The following RALGAPA1 variants were observed in gnomAD, a reference collection of about 807,000 sequenced individuals.
RALGAPA1 encodes the protein ral GTPase-activating protein subunit alpha-1.
A neutral mutation model predicts 269.6 loss-of-function variants in RALGAPA1; 52 were observed. That is an observed-to-expected ratio of 0.19 (90% confidence interval 0.15 to 0.24). RALGAPA1 has a LOEUF of 0.24. RALGAPA1 is among the 10% of genes least tolerant of loss of function. The pLI is 1.00. For missense variants in RALGAPA1, 1,917 were observed against 3,013.9 expected (o/e 0.64, Z 8.52); for synonymous variants, 817 against 1,008.3 (o/e 0.81, Z 3.60).
chr14:35,603,580 G>A (rs2059417120), intron 36 of RALGAPA1, among the ~76,000 whole-genome samples: 1 of 152,032 alleles, frequency 6.6e-6, no homozygotes, highest in Admixed American at 6.6e-5. Context: ...CAACAGCCAA[G>A]ATATGGAAAT....
chr14:35,749,856 A>T (rs1428447011), intron 9 of RALGAPA1, among the ~76,000 whole-genome samples: 4 of 152,186 alleles, frequency 2.6e-5, no homozygotes, highest in Admixed American at 6.5e-5. Flanking sequence ...ATAGTTTAAG[A>T]TTTTAAAAAC....
chr14:35,690,797 C>T (rs142971957), intron 17 of RALGAPA1, among the ~76,000 whole-genome samples: 6 of 152,008 alleles, frequency 3.9e-5, no homozygotes, highest in Non-Finnish European at 7.4e-5. Context: ...AGGCTGGGCG[C>T]GGTGGCTCAC....
chr14:35,669,527 T>A (rs1344403186), intron 26 of RALGAPA1, among the ~76,000 whole-genome samples: 1 of 152,118 alleles, frequency 6.6e-6, no homozygotes, highest in Non-Finnish European at 1.5e-5. Context: ...GTGCTGGGAG[T>A]ACAGGTGTGA....
At chr14:35,588,044 C>G (rs1448573392) in intron 37 of RALGAPA1, among the ~76,000 whole-genome samples, 1 of 152,004 alleles carries the variant, frequency 6.6e-6, no homozygotes, top group East Asian at 1.9e-4. Flanking sequence ...GTAGCTGGGA[C>G]TACAGGCACG....
chr14:35,588,749 C>T (rs1486956096), intron 37 of RALGAPA1, among the ~76,000 whole-genome samples: 1 of 152,178 alleles, frequency 6.6e-6, no homozygotes, highest in East Asian at 1.9e-4. Context: ...AATCCCCCTA[C>T]TGGGTATATA....
chr14:35,731,708 T>C (rs1166435890), intron 12 of RALGAPA1, among the ~76,000 whole-genome samples: 1 of 152,078 alleles, frequency 6.6e-6, no homozygotes, highest in Non-Finnish European at 1.5e-5. Context: ...TAAGAAAATA[T>C]GAACAAAGCC....
rs117336497 is a variant in RALGAPA1, at chr14:35,573,230, C to T, written c.7210-512G>A. ...GTGGGGTTTGCTTACAAAGGTGTTT[C>T]TGGCAATCAGAGAGAGTTAACATTA... On this transcript the variant is annotated intron_variant, in intron 37 of 41. Transcript: ENST00000680220. Among the ~76,000 whole-genome samples the T allele has an allele frequency of 1.5e-4, 23 of 152,170 alleles. 1 individual carries two copies. Among genetic ancestry groups the T allele is most frequent in the Middle Eastern group, 6.8e-3 (2 of 294 alleles).
intron 1 of RALGAPA1, among the ~76,000 whole-genome samples, chr14:35,803,317 C>T (rs1438621638): frequency 6.6e-6 from 1 of 152,106 alleles, no homozygotes; most frequent in African/African-American, 2.4e-5. Flanking sequence ...AACTTCTAGC[C>T]ACCTCATACC....
intron 1 of RALGAPA1, among the ~76,000 whole-genome samples, chr14:35,796,811 C>A (rs530476465): frequency 1.3e-5 from 2 of 150,450 alleles, no homozygotes; most frequent in Admixed American, 1.3e-4. Context: ...GATGGAGTCT[C>A]GCTCTGTTGC....
intron 37 of RALGAPA1, among the ~76,000 whole-genome samples, chr14:35,574,078 T>C (rs1032270034): frequency 1.3e-5 from 2 of 152,170 alleles, no homozygotes; most frequent in Admixed American, 6.5e-5. Flanking sequence ...TTGTTCTAAG[T>C]GATATCAAGT....
intron 3 of RALGAPA1, among the ~76,000 whole-genome samples, chr14:35,773,793 T>C (rs1401655573): frequency 6.6e-6 from 1 of 152,112 alleles, no homozygotes; most frequent in Non-Finnish European, 1.5e-5. Context: ...GTTACTACTG[T>C]TTGGAACTCT....
At chr14:35,579,229 T>A (rs969312029) in intron 37 of RALGAPA1, among the ~76,000 whole-genome samples, 2 of 152,084 alleles carry the variant, frequency 1.3e-5, no homozygotes, top group Non-Finnish European at 2.9e-5. Context: ...AGAATGTCAG[T>A]CAGTGAGGCC....
At chr14:35,708,068 A>C (rs951112553) in intron 16 of RALGAPA1, among the ~76,000 whole-genome samples, 3 of 152,178 alleles carry the variant, frequency 2.0e-5, no homozygotes, top group Admixed American at 6.6e-5. Context: ...CATATGCAGA[A>C]GAATGAAACT....
intron 1 of RALGAPA1, among the ~76,000 whole-genome samples, chr14:35,792,433 A>G (rs943437829): frequency 1.1e-4 from 17 of 151,828 alleles, no homozygotes; most frequent in African/African-American, 3.1e-4. Context: ...TTGGGATTAT[A>G]GGCATGAACC....
chr14:35,792,358 T>C (rs2076237410), intron 1 of RALGAPA1, among the ~76,000 whole-genome samples: 1 of 149,442 alleles, frequency 6.7e-6, no homozygotes, highest in Non-Finnish European at 1.5e-5. Flanking sequence ...GGTTTCACCA[T>C]GTTGGCCAGG....
At chr14:35,785,464 C>T (rs80302839) in intron 1 of RALGAPA1, among the ~76,000 whole-genome samples, 3,883 of 152,144 alleles carry the variant, frequency 0.026, 67 homozygotes, top group Middle Eastern at 0.058. Context: ...CTGGAAAATG[C>T]ATTACACTGA....
intron 10 of RALGAPA1, among the ~76,000 whole-genome samples, chr14:35,743,854 GA>G (rs1260620072): frequency 1.3e-5 from 2 of 151,852 alleles, no homozygotes; most frequent in Non-Finnish European, 2.9e-5. Flanking sequence ...AAATTTAAAA[GA>G]AAAATCTCAT....
chr14:35,711,148 C>A (rs957360232), intron 16 of RALGAPA1, among the ~76,000 whole-genome samples: 4 of 152,166 alleles, frequency 2.6e-5, no homozygotes, highest in African/African-American at 7.2e-5. Context: ...TTATAGTCAA[C>A]ATATAGTTGA....
intron 24 of RALGAPA1, among the ~76,000 whole-genome samples, chr14:35,673,358 C>T (rs2064651230): frequency 6.6e-6 from 1 of 152,118 alleles, no homozygotes; most frequent in Non-Finnish European, 1.5e-5. Context: ...GAGTTTGAGA[C>T]CAGCCTGGGC....
Sources: allele counts gnomAD v4.1 joint callset (sites outside exome capture counted in the v4.1 genomes callset), GRCh38; gene constraint gnomAD v4.1.1; transcripts MANE v1.5; gene names NCBI Gene and HGNC (gene_info 2026-07-23, HGNC 2026-07-21).